Variants in ASAP1 observed in about 807,000 individuals in gnomAD.
The protein encoded by ASAP1 is arf-GAP with SH3 domain, ANK repeat and PH domain-containing protein 1.
ASAP1 carries 43 observed loss-of-function variants against 145.2 expected under a neutral mutation model. That is an observed-to-expected ratio of 0.30 (90% confidence interval 0.23 to 0.38). ASAP1 has a LOEUF of 0.38. Ranked by LOEUF, ASAP1 falls within the 10% of genes least tolerant of loss-of-function variation. The probability of loss-of-function intolerance (pLI) is 1.00; values close to 1 mark genes in which losing one functional copy is unlikely to be tolerated. For synonymous variants in ASAP1, 546 were observed against 515.5 expected (o/e 1.06, Z -0.80); for missense variants, 1,018 against 1,355.3 (o/e 0.75, Z 3.91).
At chr8:130,406,518 G>GGCTGGAGT (rs1213550301) in intron 1 of ASAP1, among the ~76,000 whole-genome samples, 4 of 150,304 alleles carry the variant, frequency 2.7e-5, no homozygotes, top group Non-Finnish European at 4.4e-5. Flanking sequence ...GTGTCACCCA[G>GGCTGGAGT]GCTGGAGTGC....
chr8:130,052,727 TTG>T lies in ASAP1; in HGVS notation c.*2002_*2003del, dbSNP rs1350939888. On this transcript the variant is annotated 3_prime_UTR_variant, in exon 30 of 30. Transcript: ENST00000518721. ...GACATGCAGCTTTTGTGTTTTTTTT[TTG>T]TTTTTGTTTTTTTTTTTTTTTTGAA... 2.1e-5 allele frequency: 3 copies of T among 139,898 alleles called. No homozygotes were observed. The highest frequency in any genetic ancestry group is 3.2e-5 in the Non-Finnish European group (2 of 61,870). The allele number at this position is 139,898 out of a possible 1,614,324, so 8.7% of individuals were successfully genotyped here. A position where few individuals can be genotyped will look rare whatever the true frequency, so the allele number is the denominator to read the frequency against.
intron 3 of ASAP1, among the ~76,000 whole-genome samples, chr8:130,352,503 G>A (rs901611090): frequency 4.6e-5 from 7 of 152,124 alleles, no homozygotes; most frequent in African/African-American, 1.7e-4. Context: ...ACACCCAAAA[G>A]GACATAGATA....
intron 3 of ASAP1, among the ~76,000 whole-genome samples, chr8:130,244,924 G>A (rs544901383): frequency 6.6e-6 from 1 of 152,264 alleles, no homozygotes; most frequent in Admixed American, 6.5e-5. Flanking sequence ...AGTTGAGGCA[G>A]AGAGAAGCAG....
At chr8:130,185,622 G>T (rs1025347303) in intron 7 of ASAP1, among the ~76,000 whole-genome samples, 7 of 151,486 alleles carry the variant, frequency 4.6e-5, no homozygotes, top group Non-Finnish European at 1.0e-4. Context: ...CCAATTACTC[G>T]GGAGGCTGAG....
rs915773826 is a variant in ASAP1 at position 130,052,390 on chromosome 8, T to TG, written c.*2340dup. The TG allele has an allele frequency of 1.4e-4, 22 of 152,374 alleles. No individual in the cohort carries two copies. Among genetic ancestry groups the TG allele is most frequent in the Non-Finnish European group, 2.9e-4 (20 of 68,010 alleles). The allele number at this position is 152,374 out of a possible 1,614,324, so 9.4% of individuals were successfully genotyped here. A position where few individuals can be genotyped will look rare whatever the true frequency, so the allele number is the denominator to read the frequency against. On this transcript the variant is annotated 3_prime_UTR_variant, in exon 30 of 30. Coordinates refer to ENST00000518721, the MANE Select transcript of ASAP1 (RefSeq NM_018482.4). Reference sequence around the variant, plus strand: ...ATTTGCAGAACATAACTTTCCCCTCTGGGGGAAAAAGAACTAATTTGCTAT... The same window carrying TG: ...ATTTGCAGAACATAACTTTCCCCTCTGGGGGGAAAAAGAACTAATTTGCTAT...
intron 3 of ASAP1, among the ~76,000 whole-genome samples, chr8:130,295,251 C>A (rs1822194052): frequency 6.6e-6 from 1 of 152,170 alleles, no homozygotes; most frequent in Admixed American, 6.5e-5. Context: ...CCACTGCACT[C>A]CAGCCTAGGC....
Position 130,358,707 on chromosome 8 carries a change from G to A in ASAP1, c.60-564C>T, listed in dbSNP as rs1459122029. On this transcript the variant is annotated intron_variant, in intron 2 of 29. Transcript: ENST00000518721. The surrounding 1 kb of genome is among the most constrained non-coding windows in gnomAD (Gnocchi z 4.1). ...GCGCCGCCCCCAGCCCCGCCCCCCC[G>A]GTCCCTCCCCGCCCGCGCCCCGCCC... Among the ~76,000 whole-genome samples the A allele has an allele frequency of 9.1e-4, 5 of 5,510 alleles. No individual in the cohort carries two copies. The highest frequency in any genetic ancestry group is 2.2e-3 in the Non-Finnish European group (5 of 2,282). The allele number at this position is 5,510 out of a possible 152,430, so 3.6% of individuals were successfully genotyped here. A position where few individuals can be genotyped will look rare whatever the true frequency, so the allele number is the denominator to read the frequency against.
At chr8:130,212,053 T>C (rs1328415130) in intron 5 of ASAP1, among the ~76,000 whole-genome samples, 1 of 152,192 alleles carries the variant, frequency 6.6e-6, no homozygotes, top group Non-Finnish European at 1.5e-5. Context: ...AGCCCTCTAA[T>C]CCAAGGTGTG....
At chr8:130,155,109 G>A (rs1408956895) in intron 12 of ASAP1, among the ~76,000 whole-genome samples, 1 of 152,050 alleles carries the variant, frequency 6.6e-6, no homozygotes, top group African/African-American at 2.4e-5. Flanking sequence ...TCAACCTTCA[G>A]GAATAGTTTA....
At chr8:130,108,920 C>G (rs753950476) in intron 24 of ASAP1, among the ~76,000 whole-genome samples, 4 of 151,814 alleles carry the variant, frequency 2.6e-5, no homozygotes, top group African/African-American at 9.7e-5. Flanking sequence ...GGATTACAGG[C>G]AGGCGCCACT....
At chr8:130,164,009 A>C (rs2097674983) in intron 11 of ASAP1, among the ~76,000 whole-genome samples, 1 of 152,192 alleles carries the variant, frequency 6.6e-6, no homozygotes. Flanking sequence ...ATCCAATTTA[A>C]AACTAAACCT....
At chr8:130,073,013 G>C (rs1043410798) in intron 27 of ASAP1, among the ~76,000 whole-genome samples, 1 of 151,658 alleles carries the variant, frequency 6.6e-6, no homozygotes, top group Non-Finnish European at 1.5e-5. Context: ...TGTGATGTGA[G>C]AGCAGAGGAA....
intron 24 of ASAP1, among the ~76,000 whole-genome samples, chr8:130,099,979 T>A (rs1164512595): frequency 6.6e-6 from 1 of 152,140 alleles, no homozygotes; most frequent in Non-Finnish European, 1.5e-5. Flanking sequence ...AAACATGGGG[T>A]GCAGGTATCC....
chr8:130,196,240 G>C (rs373882976), intron 5 of ASAP1, among the ~76,000 whole-genome samples: 1 of 152,130 alleles, frequency 6.6e-6, no homozygotes. Flanking sequence ...TACTCAGGAG[G>C]CTGAAGCAGG....
intron 27 of ASAP1, among the ~76,000 whole-genome samples, chr8:130,062,544 G>C (rs1344709947): frequency 6.6e-6 from 1 of 152,208 alleles, no homozygotes; most frequent in Admixed American, 6.5e-5. Flanking sequence ...GCAGTCAAGA[G>C]GGAAAAAGCT....
At chr8:130,401,144 A>G (rs1480604911) in intron 2 of ASAP1, among the ~76,000 whole-genome samples, 1 of 152,166 alleles carries the variant, frequency 6.6e-6, no homozygotes, top group African/African-American at 2.4e-5. Flanking sequence ...GGCCTCCCAA[A>G]GTGCCAGGAT....
chr8:130,281,750 A>C (rs1821260549), intron 3 of ASAP1, among the ~76,000 whole-genome samples: 1 of 152,212 alleles, frequency 6.6e-6, no homozygotes, highest in Non-Finnish European at 1.5e-5. Context: ...TTGGTGCAAA[A>C]GTAATTGTGG....
chr8:130,142,458 T>C (rs1036886140), intron 13 of ASAP1, among the ~76,000 whole-genome samples: 6 of 152,228 alleles, frequency 3.9e-5, no homozygotes, highest in African/African-American at 9.6e-5. Flanking sequence ...ACTTTGAAAT[T>C]CCTACTTACT....
In ASAP1 at chr8:130,233,358, C is replaced by T. The variant is rs1448500541; in HGVS notation, c.259+3564G>A. Among the ~76,000 whole-genome samples, 4 of 152,120 alleles carry T rather than the reference C, an allele frequency of 2.6e-5. No individual in the cohort carries two copies. In the East Asian group the frequency reaches 7.7e-4, roughly 29 times the overall value. ...GCGATTCACTCAACCCTTGTTGAGCCCCTACCATGTGTTAGGTAGAAGACA... is the reference window on the plus strand; with the variant it reads ...GCGATTCACTCAACCCTTGTTGAGCTCCTACCATGTGTTAGGTAGAAGACA... On this transcript the variant is annotated intron_variant, in intron 4 of 29. Transcript: ENST00000518721.
Sources: allele counts gnomAD v4.1 joint callset (sites outside exome capture counted in the v4.1 genomes callset), GRCh38; gene constraint gnomAD v4.1.1; non-coding constraint Gnocchi (gnomAD v3.1); transcripts MANE v1.5; gene names NCBI Gene and HGNC (gene_info 2026-07-23, HGNC 2026-07-21).